Variants in PPP2CA observed in about 807,000 individuals in gnomAD.
PPP2CA encodes protein phosphatase 2 catalytic subunit alpha, also known as serine/threonine-protein phosphatase 2A catalytic subunit alpha isoform.
A neutral mutation model predicts 38.8 loss-of-function variants in PPP2CA; 5 were observed. That is an observed-to-expected ratio of 0.13 (90% CI 0.07 to 0.27). PPP2CA has a LOEUF of 0.27. PPP2CA is among the 10% of genes least tolerant of loss of function. PPP2CA has a pLI of 1.00. For synonymous variants in PPP2CA, 152 were observed against 134.0 expected, an observed-to-expected ratio of 1.13 and a Z score of -0.93; for missense variants, 88 against 389.7, an observed-to-expected ratio of 0.23 and a Z score of 6.52.
At chr5:134,213,559 G>A (rs892496924) in intron 1 of PPP2CA, among the ~76,000 whole-genome samples, 1 of 151,906 alleles carries the variant, frequency 6.6e-6, no homozygotes, top group Non-Finnish European at 1.5e-5. Flanking sequence ...GCTGTGGCAG[G>A]AGGATTGCTT....
At position 134,206,000 on chromosome 5, in the gene PPP2CA, T is replaced by A. The variant is rs769287398; in HGVS notation, c.234A>T (p.Thr78=). Residue 78 remains threonine, a synonymous_variant, in exon 2 of 7, where the codon ACA becomes ACT. Transcript: ENST00000481195. ...CATAATCTCCCATAAACAAGTAATT[T>A]GTATCTGGTGATTTGCCACCAATTC... ...LFRIGGKSPD[T]NYLFMGDYVD... is the part of the protein sequence containing the mutation. 1.9e-6 allele frequency: 3 copies of A among 1,614,158 alleles called. No homozygotes were observed. The highest frequency in any genetic ancestry group is 2.5e-6 in the Non-Finnish European group (3 of 1,180,004).
At chr5:134,201,117 T>G in intron 3 of PPP2CA, 43 bp from the exon 4 acceptor site, 1 of 1,480,532 alleles carries the variant, frequency 6.8e-7, no homozygotes, top group African/African-American at 1.4e-5. Flanking sequence ...CTAAAAAATT[T>G]GTAAACATTC....
chr5:134,209,856 T>C (rs895971093), intron 1 of PPP2CA, among the ~76,000 whole-genome samples: 2 of 151,572 alleles, frequency 1.3e-5, no homozygotes, highest in African/African-American at 2.4e-5. Context: ...AGCGGGAGGA[T>C]GCTCAGGAGT....
chr5:134,211,099 C>CTT (rs112931319), intron 1 of PPP2CA, among the ~76,000 whole-genome samples: 2 of 145,730 alleles, frequency 1.4e-5, no homozygotes, highest in African/African-American at 5.0e-5. Context: ...TTTTTAAAAT[C>CTT]TTTTTTTTTT....
At chr5:134,221,830 T>C (rs1245585498) in intron 1 of PPP2CA, among the ~76,000 whole-genome samples, 2 of 151,900 alleles carry the variant, frequency 1.3e-5, no homozygotes, top group Non-Finnish European at 2.9e-5. Context: ...CAGCTGGGCA[T>C]GGTGGTGGGT....
intron 2 of PPP2CA, 149 bp from the exon 3 acceptor site, chr5:134,202,170 C>T (rs1454621892): frequency 9.5e-6 from 7 of 739,814 alleles, no homozygotes; most frequent in Non-Finnish European, 1.2e-5. Flanking sequence ...AACCACAGCT[C>T]TACAGAATTT....
intron 5 of PPP2CA, among the ~76,000 whole-genome samples, chr5:134,199,815 A>C (rs1672657361): frequency 6.6e-6 from 1 of 152,198 alleles, no homozygotes; most frequent in South Asian, 2.1e-4. Flanking sequence ...GCAAAGTCAG[A>C]TTTTATTGAT....
intron 6 of PPP2CA, 114 bp from the exon 7 acceptor site, chr5:134,197,958 C>A: frequency 1.2e-6 from 1 of 832,464 alleles, no homozygotes; most frequent in Non-Finnish European, 2.0e-6. Context: ...TTTGGCTTGT[C>A]TTAATGTAAC....
chr5:134,196,220 G>C lies in PPP2CA; in HGVS notation c.*1552C>G, dbSNP rs1478295445. Reference sequence around the variant, plus strand: ...GTGTTCCTCAAGCATTTTAGAAAGGGGATATGCTATAACTTCCCTGTTGGT... The same window carrying C: ...GTGTTCCTCAAGCATTTTAGAAAGGCGATATGCTATAACTTCCCTGTTGGT... On this transcript the variant is annotated 3_prime_UTR_variant, in exon 7 of 7. Transcript: ENST00000481195. 1.3e-5 allele frequency: 2 copies of C among 152,090 alleles called. No individual in the cohort carries two copies. The highest frequency in any genetic ancestry group is 4.1e-4 in the South Asian group (2 of 4,836). 9.4% of individuals were successfully genotyped at this position (152,090 alleles called of 1,614,324 possible).
chr5:134,202,619 T>C (rs1761991744), intron 2 of PPP2CA: 1 of 152,266 alleles, frequency 6.6e-6, no homozygotes, highest in South Asian at 2.1e-4. Flanking sequence ...TGTTTCTCTA[T>C]TCACAGTTAA....
chr5:134,208,776 A>G (rs1762138907), intron 1 of PPP2CA, among the ~76,000 whole-genome samples: 1 of 152,216 alleles, frequency 6.6e-6, no homozygotes, highest in Non-Finnish European at 1.5e-5. Flanking sequence ...AAGTTTACAC[A>G]CATACTGTAT....
chr5:134,219,521 T>C (rs1328551495), intron 1 of PPP2CA, among the ~76,000 whole-genome samples: 1 of 152,152 alleles, frequency 6.6e-6, no homozygotes, highest in African/African-American at 2.4e-5. Context: ...TCCCCATCTG[T>C]AGTAGCAACT....
intron 2 of PPP2CA, chr5:134,202,390 C>T (rs566196256): frequency 6.0e-4 from 100 of 165,552 alleles, no homozygotes; most frequent in African/African-American, 2.3e-3. Context: ...ATCCCTCCTG[C>T]AGTCACTCTC....
In PPP2CA at chr5:134,196,233, C is replaced by A. The variant is rs1388941928; in HGVS notation, c.*1539G>T. 6.6e-6 allele frequency: 1 copy of A among 152,228 alleles called. No homozygotes were observed. The highest frequency in any genetic ancestry group is 1.5e-5 in the Non-Finnish European group (1 of 68,044). The allele number at this position is 152,228 out of a possible 1,614,324, so 9.4% of individuals were successfully genotyped here. On this transcript the variant is annotated 3_prime_UTR_variant, in exon 7 of 7. Coordinates refer to ENST00000481195, the MANE Select transcript of PPP2CA (RefSeq NM_002715.4). ...ATTTTAGAAAGGGGATATGCTATAA[C>A]TTCCCTGTTGGTTCCAGATTCAACA...
intron 1 of PPP2CA, among the ~76,000 whole-genome samples, chr5:134,212,624 G>T (rs1301976680): frequency 1.3e-5 from 2 of 152,120 alleles, no homozygotes; most frequent in East Asian, 3.8e-4. Flanking sequence ...TGAAAAGTTA[G>T]AAATTATTAA....
rs1396411813 is a variant in PPP2CA at position 134,197,703 on chromosome 5, T to C, written c.*69A>G. On this transcript the variant is annotated 3_prime_UTR_variant, in exon 7 of 7. Coordinates refer to ENST00000481195, the MANE Select transcript of PPP2CA (RefSeq NM_002715.4). ...CTATTTTCTGACACTTTGGAGTTAC[T>C]GTTGCTCTTCCCATTTCCATTAGGT... 4 of 1,259,416 alleles carry C rather than the reference T, an allele frequency of 3.2e-6. No individual in the cohort carries two copies. Among genetic ancestry groups the C allele is most frequent in the African/African-American group, 1.5e-5 (1 of 67,896 alleles). The allele number at this position is 1,259,416 out of a possible 1,614,324, so 78.0% of individuals were successfully genotyped here.
At position 134,195,805 on chromosome 5, in the gene PPP2CA, A is replaced by G. The variant is rs1761837282; in HGVS notation, c.*1967T>C. 1 of 152,216 alleles carries G rather than the reference A, an allele frequency of 6.6e-6. No homozygotes were observed. The highest frequency in any genetic ancestry group is 1.5e-5 in the Non-Finnish European group (1 of 68,030). The allele number at this position is 152,216 out of a possible 1,614,324, so 9.4% of individuals were successfully genotyped here. On this transcript the variant is annotated 3_prime_UTR_variant, in exon 7 of 7. Coordinates refer to ENST00000481195, the MANE Select transcript of PPP2CA (RefSeq NM_002715.4). ...AATTATTTTAAACCCTAGTTATGCTAAAACCAAGCTATTCTTATCACAAGT... is the reference window on the plus strand; with the variant it reads ...AATTATTTTAAACCCTAGTTATGCTGAAACCAAGCTATTCTTATCACAAGT...
chr5:134,215,551 GGT>G (rs1412631355), intron 1 of PPP2CA, among the ~76,000 whole-genome samples: 2 of 151,530 alleles, frequency 1.3e-5, no homozygotes, highest in Non-Finnish European at 2.9e-5. Context: ...CTCCAGCCTG[GGT>G]GACAGAGCAA....
chr5:134,217,337 T>C (rs1313526476), intron 1 of PPP2CA, among the ~76,000 whole-genome samples: 1 of 152,194 alleles, frequency 6.6e-6, no homozygotes, highest in East Asian at 1.9e-4. Context: ...ATTGTAACTC[T>C]AGTTCAAGTA....
Sources: gnomAD v4.1 joint callset for allele counts (sites outside exome capture counted in the v4.1 genomes callset) on GRCh38, gnomAD v4.1.1 for gene constraint, MANE v1.5 for transcripts, NCBI Gene and HGNC (gene_info 2026-07-23, HGNC 2026-07-21) for gene names.